YES1: variants seen among roughly 807,000 people sequenced by gnomAD.
The protein encoded by YES1 is YES proto-oncogene 1, Src family tyrosine kinase, also known as tyrosine-protein kinase Yes.
In YES1, 39 loss-of-function variants were observed where a neutral mutation model predicts 70.4. The ratio of observed to expected loss-of-function variants is 0.55; its 90% CI spans 0.43 to 0.72. YES1 has a LOEUF of 0.72. Ranked by LOEUF, YES1 falls within the 30% of genes least tolerant of loss-of-function variation. The pLI is 0.00. For synonymous variants in YES1, 198 were observed against 218.6 expected, an observed-to-expected ratio of 0.91 and a Z score of 0.83; for missense variants, 495 against 644.8, an observed-to-expected ratio of 0.77 and a Z score of 2.52.
At chr18:800,181 T>C (rs1049127738) in intron 1 of YES1, among the ~76,000 whole-genome samples, 3 of 152,274 alleles carry the variant, frequency 2.0e-5, no homozygotes, top group African/African-American at 4.8e-5. Context: ...GGTTACTGCA[T>C]GAGCTTTTAG....
intron 3 of YES1, among the ~76,000 whole-genome samples, chr18:750,637 A>G (rs1370111944): frequency 6.6e-6 from 1 of 152,202 alleles, no homozygotes; most frequent in Non-Finnish European, 1.5e-5. Context: ...TCAAAATGTG[A>G]TGACAGCTAT....
At chr18:798,821 A>C (rs564182210) in intron 1 of YES1, among the ~76,000 whole-genome samples, 1 of 152,292 alleles carries the variant, frequency 6.6e-6, no homozygotes, top group South Asian at 2.1e-4. Flanking sequence ...AATGTTTCCT[A>C]AAGTCTAGTG....
chr18:739,736 T>C lies in YES1; in HGVS notation c.1136A>G (p.Gln379Arg). The C allele has an allele frequency of 6.2e-7, 1 of 1,610,020 alleles. No homozygotes were observed. Among genetic ancestry groups the C allele is most frequent in the Non-Finnish European group, 8.5e-7 (1 of 1,177,870 alleles). Residue 379 changes from glutamine to arginine, a missense_variant and splice_region_variant, in exon 9 of 12, where the codon CAG (glutamine) becomes CGG (arginine). By Grantham distance (43) the Gln-to-Arg change is conservative. Transcript: ENST00000314574. ...KLPQLVDMAA[Q>R]IADGMAYIER... is the part of the protein sequence containing the mutation. ...GGATACATGTATATATACAGATACC[T>C]GAGCAGCCATATCAACCAGCTGTGG...
At chr18:743,924 T>TAC (rs1240101858) in intron 6 of YES1, among the ~76,000 whole-genome samples, 1 of 148,920 alleles carries the variant, frequency 6.7e-6, no homozygotes, top group African/African-American at 2.5e-5. Flanking sequence ...AAAAAATATA[T>TAC]ATATATATAC....
intron 1 of YES1, among the ~76,000 whole-genome samples, chr18:800,539 A>G (rs1906765841): frequency 6.6e-6 from 1 of 152,248 alleles, no homozygotes. Flanking sequence ...TATTCCCGCT[A>G]GAAAACAATG....
intron 1 of YES1, among the ~76,000 whole-genome samples, chr18:802,946 G>A (rs1191666587): frequency 6.6e-6 from 1 of 152,082 alleles, no homozygotes; most frequent in South Asian, 2.1e-4. Context: ...ATAAAAAACA[G>A]GCTGGGCATG....
chr18:740,173 T>C, intron 8 of YES1, among the ~76,000 whole-genome samples: 1 of 152,276 alleles, frequency 6.6e-6, no homozygotes, highest in South Asian at 2.1e-4. Flanking sequence ...ATATCTTGGG[T>C]GTGGTTAAAA....
At chr18:746,682 C>T (rs1413866591) in intron 4 of YES1, among the ~76,000 whole-genome samples, 4 of 152,140 alleles carry the variant, frequency 2.6e-5, no homozygotes, top group East Asian at 1.9e-4. Flanking sequence ...ATACAAGGTA[C>T]GGTGTTAAGT....
chr18:794,710 C>T (rs1906449373), intron 1 of YES1, among the ~76,000 whole-genome samples: 1 of 152,220 alleles, frequency 6.6e-6, no homozygotes, highest in African/African-American at 2.4e-5. Context: ...TGGTAGCTGG[C>T]AATCCTTCGT....
At chr18:806,639 G>C (rs1907113465) in intron 1 of YES1, among the ~76,000 whole-genome samples, 1 of 152,146 alleles carries the variant, frequency 6.6e-6, no homozygotes, top group South Asian at 2.1e-4. Flanking sequence ...CCTTGACACA[G>C]TGAATACTAG....
At chr18:810,060 T>A (rs1907296818) in intron 1 of YES1, among the ~76,000 whole-genome samples, 1 of 151,908 alleles carries the variant, frequency 6.6e-6, no homozygotes, top group Non-Finnish European at 1.5e-5. Context: ...GCGCTTAGCA[T>A]CACTTAAAAA....
rs550839866 is a variant in YES1, at chr18:788,291, A to G, written c.-9+23823T>C. ...TTTCATATTACATGGGGAGCCTTTT[A>G]GCGTGGGCTATAAAATGATCATTTA... On this transcript the variant is annotated intron_variant, in intron 1 of 11. Coordinates refer to ENST00000314574, the MANE Select transcript of YES1 (RefSeq NM_005433.4). 2.0e-5 allele frequency among the ~76,000 whole-genome samples: 3 copies of G among 152,306 alleles called. No homozygotes were observed. The East Asian group carries it at 5.8e-4, about 29-fold the overall frequency.
intron 10 of YES1, among the ~76,000 whole-genome samples, chr18:733,782 C>CCA (rs2080119039): frequency 1.7e-5 from 1 of 59,242 alleles, no homozygotes; most frequent in African/African-American, 6.1e-5. Flanking sequence ...GACTCCGTCT[C>CCA]AAAAAAAAAA....
intron 1 of YES1, among the ~76,000 whole-genome samples, chr18:790,204 T>C (rs527275747): frequency 1.5e-3 from 223 of 152,156 alleles, no homozygotes; most frequent in African/African-American, 5.1e-3. Context: ...GGTGAAATCC[T>C]GTCTCTACTA....
chr18:749,858 CAAAAA>C (rs5822576), intron 3 of YES1, among the ~76,000 whole-genome samples: 2,336 of 116,554 alleles, frequency 0.02, 67 homozygotes, highest in African/African-American at 0.07. Flanking sequence ...GACTCCGTCT[CAAAAA>C]AAAAAAAAAA....
At chr18:763,201 T>C (rs1904682941) in intron 1 of YES1, among the ~76,000 whole-genome samples, 2 of 152,178 alleles carry the variant, frequency 1.3e-5, no homozygotes, top group East Asian at 1.9e-4. Context: ...AGATTTAATA[T>C]AGAAGATTAT....
intron 11 of YES1, among the ~76,000 whole-genome samples, chr18:728,889 A>G (rs1568182763): frequency 6.6e-6 from 1 of 152,122 alleles, no homozygotes; most frequent in Non-Finnish European, 1.5e-5. Flanking sequence ...TTTGGCTTTG[A>G]TTTTTGTAAT....
intron 1 of YES1, among the ~76,000 whole-genome samples, chr18:787,693 G>C (rs1328762494): frequency 3.3e-5 from 5 of 151,780 alleles, no homozygotes; most frequent in Non-Finnish European, 7.4e-5. Context: ...CTGGGCAACA[G>C]AGTGAGACTC....
chr18:732,695 G>T, intron 11 of YES1, 139 bp downstream of exon 11: 2 of 1,140,596 alleles, frequency 1.8e-6, no homozygotes, highest in Non-Finnish European at 2.5e-6. Flanking sequence ...CCACAGTAAA[G>T]GGAAGGAGTG....
Sources: gnomAD v4.1 joint callset for allele counts (sites outside exome capture counted in the v4.1 genomes callset) on GRCh38, gnomAD v4.1.1 for gene constraint, MANE v1.5 for transcripts, NCBI Gene and HGNC (gene_info 2026-07-23, HGNC 2026-07-21) for gene names.